The following RFTN2 variants were observed in gnomAD, a reference collection of about 807,000 sequenced individuals.
The protein encoded by RFTN2 is raftlin-2.
Under a neutral mutation model 52.7 loss-of-function variants are expected in RFTN2, and 34 were observed. The ratio of observed to expected loss-of-function variants is 0.64; its 90% CI spans 0.49 to 0.86. The LOEUF is 0.86. Ranked by LOEUF, RFTN2 falls within the 40% of genes least tolerant of loss-of-function variation. RFTN2 has a pLI of 0.00. For missense variants in RFTN2, 536 were observed against 600.1 expected (o/e 0.89, Z 1.12); for synonymous variants, 203 against 217.7 (o/e 0.93, Z 0.59).
intron 7 of RFTN2, among the ~76,000 whole-genome samples, chr2:197,610,970 A>T (rs932220274): frequency 6.6e-6 from 1 of 152,142 alleles, no homozygotes; most frequent in African/African-American, 2.4e-5. Context: ...AGCCGACTTG[A>T]TTGTGGTGGA....
At chr2:197,665,936 A>G (rs2089051397) in intron 1 of RFTN2, among the ~76,000 whole-genome samples, 1 of 151,950 alleles carries the variant, frequency 6.6e-6, no homozygotes, top group Non-Finnish European at 1.5e-5. Flanking sequence ...TTACTTTGCC[A>G]ATGTGTTTTA....
chr2:197,673,379 G>A (rs970169394), intron 1 of RFTN2, among the ~76,000 whole-genome samples: 1 of 152,158 alleles, frequency 6.6e-6, no homozygotes, highest in Non-Finnish European at 1.5e-5. Context: ...GGTAGTTTGC[G>A]GAGTTGGGCT....
chr2:197,649,153 C>T (rs7564924), intron 1 of RFTN2, among the ~76,000 whole-genome samples: 106,309 of 152,108 alleles, frequency 0.7, 37,680 homozygotes, highest in Middle Eastern at 0.85. Flanking sequence ...ATTGTTCACA[C>T]TATCTAGGCC....
Position 197,572,272 on chromosome 2 carries a change from G to A in RFTN2, c.1242C>T (p.Ala414=). ...NSAAQTPDKK[A]SRHIKGEDKN... ...TGTCTTCACCTTTTATGTGGCGGCT[G>A]GCTTTCTTCTGAAACACAAGACATT... The change falls in exon 9 of 9, where the codon GCC becomes GCT. Residue 414 remains alanine, a synonymous_variant. Transcript: ENST00000295049. 1 of 1,613,418 alleles carries A rather than the reference G, an allele frequency of 6.2e-7. No homozygotes were observed. Among genetic ancestry groups the A allele is most frequent in the South Asian group, 1.1e-5 (1 of 91,080 alleles).
In RFTN2 at chr2:197,587,630, C is replaced by T. The variant is rs145089841; in HGVS notation, c.1233+8361G>A. Among the ~76,000 whole-genome samples, 1,084 of 152,162 alleles carry T rather than the reference C, an allele frequency of 7.1e-3. 5 individuals carry two copies. Among genetic ancestry groups the T allele is most frequent in the Non-Finnish European group, 0.011 (779 of 68,024 alleles). ...ACCCCTTTCTCCCTTCGCTGACTCT[C>T]TTTTTGGACTCAGCCCGCCTGCACC... On this transcript the variant is annotated intron_variant, in intron 8 of 8. Transcript: ENST00000295049.
Position 197,592,604 on chromosome 2 carries a change from G to A in RFTN2, c.1233+3387C>T, listed in dbSNP as rs546018900. On this transcript the variant is annotated intron_variant, in intron 8 of 8. Transcript: ENST00000295049. ...TCCTAGGACAACATTTGTAATGTCTGAAATATCTACCAACTGTTTTTAAAA... is the reference window on the plus strand; with the variant it reads ...TCCTAGGACAACATTTGTAATGTCTAAAATATCTACCAACTGTTTTTAAAA... Among the ~76,000 whole-genome samples, 137 of 152,272 alleles carry A rather than the reference G, an allele frequency of 9.0e-4. 1 individual carries two copies. Among genetic ancestry groups the A allele is most frequent in the African/African-American group, 3.1e-3 (130 of 41,556 alleles).
At chr2:197,614,842 C>T (rs1337921175) in intron 7 of RFTN2, among the ~76,000 whole-genome samples, 1 of 152,176 alleles carries the variant, frequency 6.6e-6, no homozygotes, top group East Asian at 1.9e-4. Flanking sequence ...AGATATGTCA[C>T]AGAGTACAAA....
chr2:197,627,846 G>C (rs2088391274), intron 5 of RFTN2, among the ~76,000 whole-genome samples: 1 of 152,068 alleles, frequency 6.6e-6, no homozygotes, highest in African/African-American at 2.4e-5. Flanking sequence ...CTCTGCTGAA[G>C]TAGAAAACTT....
At chr2:197,583,523 A>G (rs369973191) in intron 8 of RFTN2, among the ~76,000 whole-genome samples, 10 of 151,868 alleles carry the variant, frequency 6.6e-5, no homozygotes, top group African/African-American at 2.4e-4. Context: ...CATACCCTTT[A>G]CCATCCTCAG....
intron 4 of RFTN2, 134 bp downstream of exon 4, chr2:197,633,584 T>G: frequency 7.0e-6 from 5 of 712,750 alleles, no homozygotes; most frequent in Non-Finnish European, 1.1e-5. Context: ...TTAAAAATCA[T>G]GAGGTTTTTA....
intron 8 of RFTN2, among the ~76,000 whole-genome samples, chr2:197,580,366 C>A (rs774337357): frequency 1.8e-4 from 27 of 152,212 alleles, no homozygotes; most frequent in Non-Finnish European, 3.8e-4. Flanking sequence ...CCTTCAGGAC[C>A]TCTTCCCCCA....
At chr2:197,637,968 C>G (rs1574731316) in intron 3 of RFTN2, among the ~76,000 whole-genome samples, 2 of 150,612 alleles carry the variant, frequency 1.3e-5, no homozygotes, top group Admixed American at 1.3e-4. Flanking sequence ...CAAAGAACAT[C>G]TTTATTTCTG....
intron 8 of RFTN2, chr2:197,587,949 G>C: frequency 2.1e-6 from 1 of 468,882 alleles, no homozygotes; most frequent in Non-Finnish European, 4.4e-6. Context: ...ATTTGTCCAA[G>C]GTCATGAATA....
chr2:197,581,503 A>G (rs917927243), intron 8 of RFTN2, among the ~76,000 whole-genome samples: 1 of 152,132 alleles, frequency 6.6e-6, no homozygotes, highest in South Asian at 2.1e-4. Flanking sequence ...ACTTCAGCCA[A>G]GCTCTTTCTC....
chr2:197,663,230 GA>G (rs1366719627), intron 1 of RFTN2, among the ~76,000 whole-genome samples: 1 of 152,078 alleles, frequency 6.6e-6, no homozygotes, highest in African/African-American at 2.4e-5. Flanking sequence ...ATGTGCTATT[GA>G]GTTTGGTTTG....
Position 197,675,391 on chromosome 2 carries a change from A to G in RFTN2, c.68T>C (p.Leu23Pro). 6.2e-7 allele frequency: 1 copy of G among 1,605,930 alleles called. No homozygotes were observed. The highest frequency in any genetic ancestry group is 8.5e-7 in the Non-Finnish European group (1 of 1,176,240). ...DSSPGKIFST[L>P]KRPQVETKTE... ...CTTTGTTTCCACTTGCGGTCTCTTC[A>G]GGGTAGAAAATATTTTTCCAGGGCT... is the stretch of plus-strand genomic sequence containing the variant. The change falls in exon 1 of 9, where the codon CTG (leucine) becomes CCG (proline). Residue 23 changes from leucine (L) to proline (P), a missense_variant. Physicochemically the swap from Leu to Pro is moderately conservative, Grantham distance 98. Transcript: ENST00000295049.
intron 5 of RFTN2, among the ~76,000 whole-genome samples, chr2:197,629,548 A>T (rs2088426326): frequency 3.9e-5 from 6 of 152,032 alleles, no homozygotes; most frequent in Admixed American, 3.9e-4. Context: ...TACCTATGTA[A>T]CAAACCTGCA....
At chr2:197,590,389 T>A (rs749714784) in intron 8 of RFTN2, among the ~76,000 whole-genome samples, 1 of 152,322 alleles carries the variant, frequency 6.6e-6, no homozygotes, top group Admixed American at 6.5e-5. Context: ...GTATCTAGAA[T>A]ACTGCAGAAG....
chr2:197,640,121 G>A (rs968003775), intron 3 of RFTN2, among the ~76,000 whole-genome samples: 4 of 152,226 alleles, frequency 2.6e-5, no homozygotes, highest in African/African-American at 9.6e-5. Context: ...TGCGTGCTGG[G>A]AGAACCACTG....
Sources: gnomAD v4.1 joint callset for allele counts (sites outside exome capture counted in the v4.1 genomes callset) on GRCh38, gnomAD v4.1.1 for gene constraint, MANE v1.5 for transcripts, NCBI Gene and HGNC (gene_info 2026-07-23, HGNC 2026-07-21) for gene names.